Variants in FAM120A observed in about 807,000 individuals in gnomAD.
FAM120A encodes constitutive coactivator of PPAR-gamma-like protein 1.
Under a neutral mutation model 109.7 loss-of-function variants are expected in FAM120A, and 15 were observed. The observed-to-expected ratio is 0.14, with a 90% CI of 0.09 to 0.21. FAM120A has a LOEUF of 0.21. Ranked by LOEUF, FAM120A falls within the 10% of genes least tolerant of loss-of-function variation. The pLI, the probability that FAM120A is intolerant of heterozygous loss-of-function variation, is 1.00. For synonymous variants in FAM120A, 493 were observed against 572.8 expected (o/e 0.86, Z 1.99); for missense variants, 899 against 1,439.3 (o/e 0.62, Z 6.07).
rs779895329 is a variant in FAM120A, at chr9:93,452,225, C to T, written c.310C>T (p.Arg104Trp). 1 of 1,611,286 alleles carries T rather than the reference C, an allele frequency of 6.2e-7. No homozygotes were observed. The change falls in exon 1 of 18, where the codon CGG (arginine) becomes TGG (tryptophan). Residue 104 changes from arginine (R) to tryptophan (W), a missense_variant. By Grantham distance (101) the Arg-to-Trp change is moderately radical. This residue lies in a region of FAM120A where 258 missense variants were observed against 451.4 expected (regional missense o/e 0.57). Transcript: ENST00000277165. This position sits in a 1 kb window ranked among gnomAD's most constrained non-coding sequence, Gnocchi z 7.0. The part of the protein sequence containing the change: ...VFFNGALEKA[R>W]LHEWVKRQGN... ...CTTCAACGGCGCGCTCGAGAAGGCC[C>T]GGCTGCACGAGTGGGTCAAGCGGCA...
At chr9:93,513,870 A>G (rs773317471) in intron 5 of FAM120A, among the ~76,000 whole-genome samples, 2 of 152,126 alleles carry the variant, frequency 1.3e-5, no homozygotes, top group Non-Finnish European at 2.9e-5. Context: ...AGCCATGGAC[A>G]TTTGCTTTTC....
intron 5 of FAM120A, among the ~76,000 whole-genome samples, chr9:93,508,671 C>G (rs1860174387): frequency 6.6e-6 from 1 of 152,136 alleles, no homozygotes; most frequent in Non-Finnish European, 1.5e-5. Flanking sequence ...GGATCCTGCC[C>G]CTGCTTTGCT....
At chr9:93,497,706 G>A (rs1859633343) in intron 4 of FAM120A, 107 bp downstream of exon 4, 2 of 1,348,446 alleles carry the variant, frequency 1.5e-6, no homozygotes, top group Non-Finnish European at 9.9e-7. Flanking sequence ...CAAGCTGACT[G>A]GATGGGTCTG....
At position 93,558,673 on chromosome 9, in the gene FAM120A, G is replaced by A; in HGVS notation, c.2761G>A (p.Ala921Thr). Residue 921 changes from alanine to threonine, a missense_variant, in exon 15 of 18, where the codon GCC becomes ACC. Ala to Thr is a moderately conservative substitution (Grantham distance 58). Coordinates refer to ENST00000277165, the MANE Select transcript of FAM120A (RefSeq NM_014612.5). ...GGCGGCAGCATCGGGACACTGCGGA[G>A]CCTTCTCAGGCAGTGACAGCAGCAG... ...RVAAASGHCG[A>T]FSGSDSSRTS... 1 of 1,614,146 alleles carries A rather than the reference G, an allele frequency of 6.2e-7. No homozygotes were observed. Among genetic ancestry groups the A allele is most frequent in the South Asian group, 1.1e-5 (1 of 91,088 alleles).
chr9:93,486,827 A>G (rs1859079745), intron 3 of FAM120A, among the ~76,000 whole-genome samples: 1 of 151,918 alleles, frequency 6.6e-6, no homozygotes, highest in East Asian at 1.9e-4. Context: ...AGCCACTGTA[A>G]TTGACCTATG....
chr9:93,561,204 G>A lies in FAM120A; in HGVS notation c.2902G>A (p.Gly968Arg). Reference sequence around the variant, plus strand: ...GAGCAGGCGGGGCCGTGGGGGCCGGGGGCCTTTCCCCCTGCAGGTGGTTTC... The same window carrying A: ...GAGCAGGCGGGGCCGTGGGGGCCGGAGGCCTTTCCCCCTGCAGGTGGTTTC... The part of the protein sequence containing the change: ...AGSRRGRGGR[G>R]PFPLQVVSVG... Residue 968 changes from glycine to arginine, a missense_variant, in exon 16 of 18, where the codon GGG becomes AGG. Physicochemically the swap from Gly to Arg is moderately radical, Grantham distance 125 (BLOSUM62 -2). Coordinates refer to ENST00000277165, the MANE Select transcript of FAM120A (RefSeq NM_014612.5). The A allele has an allele frequency of 6.2e-7, 1 of 1,613,496 alleles. No individual in the cohort carries two copies. The highest frequency in any genetic ancestry group is 8.5e-7 in the Non-Finnish European group (1 of 1,179,902).
At chr9:93,538,986 T>C (rs1461540573) in intron 10 of FAM120A, among the ~76,000 whole-genome samples, 2 of 150,938 alleles carry the variant, frequency 1.3e-5, no homozygotes, top group African/African-American at 4.9e-5. Context: ...TCCAGTAACA[T>C]GTCAGCCCTA....
chr9:93,511,622 A>G (rs976124427), intron 5 of FAM120A, among the ~76,000 whole-genome samples: 1 of 152,234 alleles, frequency 6.6e-6, no homozygotes, highest in Non-Finnish European at 1.5e-5. Context: ...GATTTAGTAA[A>G]CATGTCTGTT....
chr9:93,514,859 G>A (rs1860498613), intron 5 of FAM120A, among the ~76,000 whole-genome samples: 1 of 152,232 alleles, frequency 6.6e-6, no homozygotes, highest in South Asian at 2.1e-4. Flanking sequence ...CGAGGCCAGA[G>A]GTTGAGTGGG....
At chr9:93,509,985 G>A (rs1860237464) in intron 5 of FAM120A, among the ~76,000 whole-genome samples, 1 of 152,190 alleles carries the variant, frequency 6.6e-6, no homozygotes, top group African/African-American at 2.4e-5. Context: ...ATGCGTCCTA[G>A]TTCATCTTGA....
chr9:93,477,149 C>T (rs1185766129), intron 3 of FAM120A, among the ~76,000 whole-genome samples: 1 of 152,112 alleles, frequency 6.6e-6, no homozygotes, highest in Non-Finnish European at 1.5e-5. Context: ...GGGTGTTTTC[C>T]GAAGGGCTGT....
rs532791838 is a variant in FAM120A, at chr9:93,528,628, G to A, written c.1507-725G>A. On this transcript the variant is annotated intron_variant, in intron 8 of 17. Coordinates refer to ENST00000277165, the MANE Select transcript of FAM120A (RefSeq NM_014612.5). ...TGGGGGCTTAGTTGTTACAGAATGG[G>A]TGTTTTCACCAAACAGTGTATCATG... 2.0e-5 allele frequency among the ~76,000 whole-genome samples: 3 copies of A among 152,272 alleles called. No individual in the cohort carries two copies. The South Asian group carries it at 6.2e-4, about 32-fold the overall frequency.
intron 3 of FAM120A, among the ~76,000 whole-genome samples, chr9:93,489,551 AT>A (rs1289984134): frequency 6.6e-6 from 1 of 152,216 alleles, no homozygotes; most frequent in Non-Finnish European, 1.5e-5. Flanking sequence ...GTAAAATGGG[AT>A]GAAGAACTTT....
chr9:93,468,508 GT>G (rs1447308585), intron 1 of FAM120A, among the ~76,000 whole-genome samples: 3 of 152,220 alleles, frequency 2.0e-5, no homozygotes, highest in South Asian at 2.1e-4. Flanking sequence ...TTTTCATTAG[GT>G]TTTTTTCTTT....
chr9:93,459,326 T>C (rs1240621765), intron 1 of FAM120A, among the ~76,000 whole-genome samples: 3 of 152,238 alleles, frequency 2.0e-5, no homozygotes, highest in Non-Finnish European at 4.4e-5. Context: ...TCAACTCTAA[T>C]CAGAATATTT....
chr9:93,550,465 G>A, intron 11 of FAM120A, 112 bp from the exon 12 acceptor site: 1 of 717,326 alleles, frequency 1.4e-6, no homozygotes, highest in South Asian at 1.6e-5. Flanking sequence ...AAATCACATG[G>A]GTCTTCTTAG....
At chr9:93,478,483 A>G (rs972935307) in intron 3 of FAM120A, among the ~76,000 whole-genome samples, 1 of 152,102 alleles carries the variant, frequency 6.6e-6, no homozygotes, top group East Asian at 1.9e-4. Flanking sequence ...AGCCACTTTA[A>G]TGTTTTTATT....
At chr9:93,509,344 C>T (rs897542726) in intron 5 of FAM120A, among the ~76,000 whole-genome samples, 13 of 152,172 alleles carry the variant, frequency 8.5e-5, no homozygotes, top group African/African-American at 2.4e-4. Context: ...CATGGATGGC[C>T]TCGGGGGTTG....
intron 1 of FAM120A, chr9:93,453,137 C>G (rs576268205): frequency 1.0e-6 from 1 of 1,004,170 alleles, no homozygotes; most frequent in African/African-American, 1.7e-5. Context: ...AGATCCCATG[C>G]GAAAGGAGTC....
Sources: gnomAD v4.1 joint callset for allele counts (sites outside exome capture counted in the v4.1 genomes callset) on GRCh38, gnomAD v4.1.1 for gene constraint, gnomAD v4.1.1 regional missense constraint, Gnocchi (gnomAD v3.1) non-coding constraint, MANE v1.5 for transcripts, NCBI Gene and HGNC (gene_info 2026-07-23, HGNC 2026-07-21) for gene names.